The following CDH2 variants were observed in gnomAD, a reference collection of about 807,000 sequenced individuals.
CDH2 encodes cadherin-2.
A neutral mutation model predicts 92.0 loss-of-function variants in CDH2; 17 were observed. The ratio of observed to expected loss-of-function variants is 0.18; its 90% CI spans 0.13 to 0.28. CDH2 has a LOEUF of 0.28. Ranked by LOEUF, CDH2 falls within the 10% of genes least tolerant of loss-of-function variation. The pLI, the probability that CDH2 is intolerant of heterozygous loss-of-function variation, is 1.00. For missense variants in CDH2, 862 were observed against 1,133.1 expected (o/e 0.76, Z 3.44); for synonymous variants, 419 against 415.9 (o/e 1.01, Z -0.09).
chr18:28,027,846 G>GTTT (rs5823577), intron 2 of CDH2, among the ~76,000 whole-genome samples: 1 of 144,026 alleles, frequency 6.9e-6, no homozygotes, highest in African/African-American at 2.5e-5. Flanking sequence ...GTTTTGTTTT[G>GTTT]TTTTTTTTTT....
chr18:28,087,515 G>C (rs914989158), intron 2 of CDH2, among the ~76,000 whole-genome samples: 5 of 152,096 alleles, frequency 3.3e-5, no homozygotes, highest in Non-Finnish European at 7.4e-5. Flanking sequence ...GTCCTGAAAT[G>C]ACACCAGTTA....
intron 15 of CDH2, among the ~76,000 whole-genome samples, chr18:27,956,741 G>A (rs150565337): frequency 3.9e-5 from 6 of 152,112 alleles, no homozygotes; most frequent in Non-Finnish European, 7.4e-5. Context: ...GAGTTCCCCC[G>A]ACAATGGGCA....
At chr18:28,085,388 C>A (rs1204075076) in intron 2 of CDH2, among the ~76,000 whole-genome samples, 4 of 152,092 alleles carry the variant, frequency 2.6e-5, no homozygotes, top group Non-Finnish European at 4.4e-5. Context: ...GCAAGCACTG[C>A]ATTCTACTTG....
downstream of CDH2, among the ~76,000 whole-genome samples, chr18:27,950,394 GC>G (rs1165283928): frequency 6.6e-6 from 1 of 152,028 alleles, no homozygotes; most frequent in East Asian, 1.9e-4. Context: ...ACAAAATTTA[GC>G]AAGACTGTTT....
chr18:27,974,233 C>T (rs559995125), intron 14 of CDH2, among the ~76,000 whole-genome samples: 12 of 151,998 alleles, frequency 7.9e-5, no homozygotes, highest in Non-Finnish European at 1.6e-4. Flanking sequence ...TCAGGGCCTG[C>T]AAAATAAGTA....
intron 2 of CDH2, among the ~76,000 whole-genome samples, chr18:28,016,219 A>G (rs1269926172): frequency 6.6e-6 from 1 of 152,122 alleles, no homozygotes; most frequent in African/African-American, 2.4e-5. Context: ...ATAATTTCAT[A>G]TGAGTGGATC....
chr18:28,058,707 T>C (rs935926368), intron 2 of CDH2, among the ~76,000 whole-genome samples: 2 of 152,198 alleles, frequency 1.3e-5, no homozygotes, highest in African/African-American at 4.8e-5. Flanking sequence ...GTATACTTAG[T>C]GTTAATATTA....
At chr18:28,109,269 T>C (rs1391772068) in intron 2 of CDH2, among the ~76,000 whole-genome samples, 1 of 152,224 alleles carries the variant, frequency 6.6e-6, no homozygotes, top group African/African-American at 2.4e-5. Flanking sequence ...AAGTAAGCTT[T>C]TTCTGTTTAA....
chr18:27,976,999 T>C lies in CDH2; in HGVS notation c.2349+5945A>G, dbSNP rs148233644. Among the ~76,000 whole-genome samples the C allele has an allele frequency of 4.5e-3, 690 of 152,294 alleles. 8 individuals carry two copies. Among genetic ancestry groups the C allele is most frequent in the South Asian group, 0.035 (169 of 4,828 alleles). On this transcript the variant is annotated intron_variant, in intron 14 of 15. Transcript: ENST00000269141. ...TGGAAAGAACTTGATACAAAGATCA[T>C]TGAAAGCGATACCGTATCTGCAACC...
intron 2 of CDH2, among the ~76,000 whole-genome samples, chr18:28,112,529 G>A (rs932642082): frequency 2.0e-5 from 3 of 152,152 alleles, no homozygotes; most frequent in Non-Finnish European, 4.4e-5. Flanking sequence ...AACTTCAAAC[G>A]CACTTAAAAT....
intron 2 of CDH2, among the ~76,000 whole-genome samples, chr18:28,026,440 G>T (rs1275144613): frequency 6.6e-6 from 1 of 152,128 alleles, no homozygotes; most frequent in African/African-American, 2.4e-5. Flanking sequence ...TAGCAGACGT[G>T]GGGAGTAGGT....
At chr18:28,089,006 C>T (rs1459217733) in intron 2 of CDH2, among the ~76,000 whole-genome samples, 1 of 152,112 alleles carries the variant, frequency 6.6e-6, no homozygotes, top group African/African-American at 2.4e-5. Flanking sequence ...GCTTTGGAAA[C>T]AAAAGCCTAC....
intron 2 of CDH2, among the ~76,000 whole-genome samples, chr18:28,137,889 C>T (rs1195027586): frequency 2.0e-5 from 3 of 152,032 alleles, no homozygotes; most frequent in Admixed American, 6.6e-5. Context: ...GGCCTTTTCT[C>T]CATTGCCTGG....
intron 14 of CDH2, among the ~76,000 whole-genome samples, chr18:27,972,370 G>A (rs892936398): frequency 1.3e-5 from 2 of 152,116 alleles, no homozygotes; most frequent in Non-Finnish European, 2.9e-5. Flanking sequence ...ACAGACCAGT[G>A]AGACTAAATA....
intron 1 of CDH2, among the ~76,000 whole-genome samples, chr18:28,158,224 G>A (rs1005506197): frequency 6.6e-6 from 1 of 152,194 alleles, no homozygotes; most frequent in Non-Finnish European, 1.5e-5. Flanking sequence ...TCAAGGCACA[G>A]CTTCCAGAAA....
intron 6 of CDH2, among the ~76,000 whole-genome samples, chr18:27,941,312 G>A (rs1200530432): frequency 6.6e-6 from 1 of 152,030 alleles, no homozygotes; most frequent in African/African-American, 2.4e-5. Context: ...TGGGATTACA[G>A]GTGTGAGCCA....
intron 2 of CDH2, among the ~76,000 whole-genome samples, chr18:28,092,112 C>T (rs995468146): frequency 7.2e-5 from 11 of 151,868 alleles, no homozygotes; most frequent in African/African-American, 1.5e-4. Context: ...TTTAGGATTT[C>T]GACATATGAA....
intron 15 of CDH2, among the ~76,000 whole-genome samples, chr18:27,963,079 A>T (rs1005978520): frequency 3.9e-5 from 6 of 152,280 alleles, no homozygotes; most frequent in Non-Finnish European, 7.4e-5. Context: ...AGGAAAAAAA[A>T]TCCTTCTCGG....
intron 2 of CDH2, among the ~76,000 whole-genome samples, chr18:28,059,889 C>CT (rs1400968081): frequency 6.6e-6 from 1 of 152,092 alleles, no homozygotes. Flanking sequence ...TCCTTTCAAA[C>CT]TTTTTTGTGG....
Sources: allele counts gnomAD v4.1 joint callset (sites outside exome capture counted in the v4.1 genomes callset), GRCh38; gene constraint gnomAD v4.1.1; transcripts MANE v1.5; gene names NCBI Gene and HGNC (gene_info 2026-07-23, HGNC 2026-07-21).